The following SH3RF2 variants were observed in gnomAD, a reference collection of about 807,000 sequenced individuals.
The protein encoded by SH3RF2 is SH3 domain containing ring finger 2, also known as E3 ubiquitin-protein ligase SH3RF2.
Under a neutral mutation model 59.0 loss-of-function variants are expected in SH3RF2, and 43 were observed. The ratio of observed to expected loss-of-function variants is 0.73; its 90% CI spans 0.57 to 0.94. The LOEUF is 0.94. SH3RF2 is among the 40% of genes least tolerant of loss of function. The probability of loss-of-function intolerance (pLI) is 0.00; values close to 1 mark genes in which losing one functional copy is unlikely to be tolerated. For missense variants in SH3RF2, 930 were observed against 940.1 expected, an observed-to-expected ratio of 0.99 and a Z score of 0.14; for synonymous variants, 391 against 391.5, an observed-to-expected ratio of 1.00 and a Z score of 0.01.
chr5:145,994,883 G>A (rs1324324711), intron 2 of SH3RF2, among the ~76,000 whole-genome samples: 2 of 152,190 alleles, frequency 1.3e-5, no homozygotes, highest in African/African-American at 4.8e-5. Context: ...CAAGAAAGAA[G>A]CACTCAGTAA....
chr5:146,022,044 T>C (rs1472356450), intron 5 of SH3RF2, among the ~76,000 whole-genome samples: 1 of 152,220 alleles, frequency 6.6e-6, no homozygotes, highest in Non-Finnish European at 1.5e-5. Context: ...TATCCTGTTA[T>C]TTTTTGGACT....
At chr5:145,986,145 A>T (rs1759696233) in intron 2 of SH3RF2, among the ~76,000 whole-genome samples, 1 of 152,210 alleles carries the variant, frequency 6.6e-6, no homozygotes, top group African/African-American at 2.4e-5. Context: ...TCATTCAAGG[A>T]CACAGTGTAT....
rs138421034 is a variant in SH3RF2 at position 146,073,942 on chromosome 5, G to A, written c.*34-4518G>A. Among the ~76,000 whole-genome samples the A allele has an allele frequency of 3.5e-3, 528 of 152,112 alleles. 3 individuals are homozygous for A. The highest frequency in any genetic ancestry group is 0.012 in the African/African-American group (502 of 41,454). On this transcript the variant is annotated intron_variant, in intron 9 of 9. Coordinates refer to the SH3RF2 transcript ENST00000511217. ...CGAGTTGAGACCCGAAGACTAAGAGGGAACCAGACACGCAGCATAGTGGGA... is the reference window on the plus strand; with the variant it reads ...CGAGTTGAGACCCGAAGACTAAGAGAGAACCAGACACGCAGCATAGTGGGA...
chr5:145,950,062 A>C (rs189390207), intron 2 of SH3RF2, among the ~76,000 whole-genome samples: 4 of 142,250 alleles, frequency 2.8e-5, no homozygotes, highest in Admixed American at 2.1e-4. Flanking sequence ...AAGGAGCCAA[A>C]GAAAGGTGGA....
chr5:145,979,635 CTT>C (rs887554808), intron 2 of SH3RF2, among the ~76,000 whole-genome samples: 1 of 152,220 alleles, frequency 6.6e-6, no homozygotes, highest in African/African-American at 2.4e-5. Flanking sequence ...ACTCAAAAAA[CTT>C]TTGAAAATTT....
intron 2 of SH3RF2, among the ~76,000 whole-genome samples, chr5:145,939,838 G>A (rs1310234715): frequency 6.6e-6 from 1 of 152,182 alleles, no homozygotes; most frequent in Non-Finnish European, 1.5e-5. Flanking sequence ...CCTTGCAGAA[G>A]TCTGACCTGC....
At chr5:145,956,606 T>C (rs1353890918) in intron 2 of SH3RF2, among the ~76,000 whole-genome samples, 2 of 152,038 alleles carry the variant, frequency 1.3e-5, no homozygotes, top group Non-Finnish European at 2.9e-5. Context: ...AGCATGTTTC[T>C]AGGTAGAGGG....
chr5:146,067,132 C>T (rs1214320528), downstream of SH3RF2, among the ~76,000 whole-genome samples: 2 of 152,122 alleles, frequency 1.3e-5, no homozygotes, highest in African/African-American at 4.8e-5. Context: ...ATCCCACAGA[C>T]AGGGCTTTCA....
chr5:145,971,985 T>C (rs949909735), intron 2 of SH3RF2, among the ~76,000 whole-genome samples: 1 of 152,176 alleles, frequency 6.6e-6, no homozygotes, highest in African/African-American at 2.4e-5. Flanking sequence ...ACAACAACTG[T>C]ATGAGATTGA....
chr5:146,026,803 C>A (rs919606664), intron 5 of SH3RF2, among the ~76,000 whole-genome samples: 15 of 152,256 alleles, frequency 9.9e-5, no homozygotes. Context: ...TACTTTACTC[C>A]GTCTGAGCCT....
At chr5:145,956,543 T>C (rs1758415310) in intron 2 of SH3RF2, among the ~76,000 whole-genome samples, 1 of 152,214 alleles carries the variant, frequency 6.6e-6, no homozygotes, top group Non-Finnish European at 1.5e-5. Flanking sequence ...CCCAAAGTGC[T>C]GGGATTACAG....
At chr5:146,044,392 G>A (rs555759040) in intron 5 of SH3RF2, among the ~76,000 whole-genome samples, 17 of 152,062 alleles carry the variant, frequency 1.1e-4, no homozygotes, top group East Asian at 7.7e-4. Flanking sequence ...CTCATGATCC[G>A]CCCACCTCGG....
intron 2 of SH3RF2, among the ~76,000 whole-genome samples, chr5:145,968,277 A>G (rs1026876524): frequency 2.6e-5 from 4 of 152,218 alleles, no homozygotes; most frequent in Non-Finnish European, 5.9e-5. Flanking sequence ...TTATAGCAAA[A>G]AATATTGGAA....
chr5:145,997,652 T>C (rs986369092), intron 2 of SH3RF2: 9 of 1,572,628 alleles, frequency 5.7e-6, no homozygotes, highest in Admixed American at 1.8e-5. Context: ...TATGAGCAAC[T>C]GTTTGCTACC....
intron 2 of SH3RF2, among the ~76,000 whole-genome samples, chr5:145,995,480 T>C (rs1260573768): frequency 6.6e-6 from 1 of 152,152 alleles, no homozygotes; most frequent in Admixed American, 6.6e-5. Context: ...TGCTTATTTC[T>C]CAGGTAGGGA....
intron 2 of SH3RF2, among the ~76,000 whole-genome samples, chr5:145,969,418 A>T (rs1389962650): frequency 6.6e-6 from 1 of 152,282 alleles, no homozygotes; most frequent in Admixed American, 6.5e-5. Flanking sequence ...ACAACAAAAG[A>T]TGTTCACTAT....
At chr5:145,997,281 A>C in intron 2 of SH3RF2, 3 of 983,552 alleles carry the variant, frequency 3.1e-6, no homozygotes, top group Non-Finnish European at 5.0e-6. Context: ...ACATGGAACC[A>C]AAGAAGAGGA....
At chr5:146,044,555 T>G (rs1762240863) in intron 5 of SH3RF2, among the ~76,000 whole-genome samples, 1 of 152,218 alleles carries the variant, frequency 6.6e-6, no homozygotes, top group African/African-American at 2.4e-5. Flanking sequence ...TATCATCTTC[T>G]GTGGTATCTG....
At chr5:145,997,550 A>C in intron 2 of SH3RF2, 1 of 1,607,820 alleles carries the variant, frequency 6.2e-7, no homozygotes, top group South Asian at 1.1e-5. Flanking sequence ...CGAAAATGGG[A>C]GTTATTACGG....
Sources: allele counts gnomAD v4.1 joint callset (sites outside exome capture counted in the v4.1 genomes callset), GRCh38; gene constraint gnomAD v4.1.1; transcripts MANE v1.5; gene names NCBI Gene and HGNC (gene_info 2026-07-23, HGNC 2026-07-21).